NECTIN3: variants seen among roughly 807,000 people sequenced by gnomAD.
NECTIN3 encodes nectin cell adhesion molecule 3, also known as nectin-3.
In NECTIN3, 8 loss-of-function variants were observed where a neutral mutation model predicts 49.4. That is an observed-to-expected ratio of 0.16 (90% CI 0.10 to 0.29). The LOEUF (loss-of-function observed/expected upper bound fraction) is 0.29. Ranked by LOEUF, NECTIN3 falls within the 10% of genes least tolerant of loss-of-function variation. The probability of loss-of-function intolerance (pLI) is 1.00; values close to 1 mark genes in which losing one functional copy is unlikely to be tolerated. For missense variants in NECTIN3, 581 were observed against 654.6 expected (o/e 0.89, Z 1.23); for synonymous variants, 277 against 241.1 (o/e 1.15, Z -1.38).
At chr3:111,186,945 A>T (rs530722908) in intron 7 of NECTIN3, among the ~76,000 whole-genome samples, 2 of 152,324 alleles carry the variant, frequency 1.3e-5, no homozygotes, top group South Asian at 4.1e-4. Flanking sequence ...CATATATATT[A>T]GTCACCAAAC....
intron 6 of NECTIN3, among the ~76,000 whole-genome samples, chr3:111,146,312 T>C (rs1462392843): frequency 6.6e-6 from 1 of 150,622 alleles, no homozygotes; most frequent in Non-Finnish European, 1.5e-5. Flanking sequence ...CGGGCGCCTG[T>C]AGTCCCAGCT....
chr3:111,176,385 T>C (rs1193077191), intron 7 of NECTIN3, among the ~76,000 whole-genome samples: 1 of 152,228 alleles, frequency 6.6e-6, no homozygotes, highest in Admixed American at 6.5e-5. Flanking sequence ...ACTGATGCTC[T>C]CTGGCTCTCC....
intron 1 of NECTIN3, among the ~76,000 whole-genome samples, chr3:111,095,912 C>T (rs1431676986): frequency 6.6e-6 from 1 of 152,146 alleles, no homozygotes; most frequent in East Asian, 1.9e-4. Flanking sequence ...ATGTCTTTAT[C>T]AGCACCATGA....
intron 1 of NECTIN3, chr3:111,192,438 A>G (rs142912586): frequency 2.0e-6 from 3 of 1,519,560 alleles, no homozygotes; most frequent in African/African-American, 2.8e-5. Flanking sequence ...TGTCGGTATC[A>G]GCCCAGGTGG....
At chr3:111,106,835 T>G (rs1205301184) in intron 1 of NECTIN3, among the ~76,000 whole-genome samples, 1 of 152,150 alleles carries the variant, frequency 6.6e-6, no homozygotes, top group Non-Finnish European at 1.5e-5. Flanking sequence ...AATGTTTCTT[T>G]TATAGCATAT....
rs1259626508 is a variant in NECTIN3 at position 111,144,820 on chromosome 3, G to T, written c.1001-79G>T. 4 of 1,420,060 alleles carry T rather than the reference G, an allele frequency of 2.8e-6. No individual in the cohort carries two copies. In the South Asian group the frequency reaches 4.0e-5, roughly 14 times the overall value. 88.0% of individuals were successfully genotyped at this position (1,420,060 alleles called of 1,614,324 possible). ...ATAACATACTTCAGTCAAATAGTTT[G>T]CACATTGTAGAAAAGGTATGCAATT... On this transcript the variant is annotated intron_variant, in intron 5 of 8. Transcript: ENST00000493615.
chr3:111,147,627 CATTATGCATTAAAG>C, intron 7 of NECTIN3: 42 of 718,944 alleles, frequency 5.8e-5, no homozygotes, highest in Middle Eastern at 5.0e-4. Context: ...GTTGTTTAGT[CATTATGCATTAAAG>C]ATTACATAGC....
chr3:111,121,365 C>G (rs1003461259), intron 3 of NECTIN3, among the ~76,000 whole-genome samples: 1 of 152,026 alleles, frequency 6.6e-6, no homozygotes, highest in African/African-American at 2.4e-5. Flanking sequence ...AGGAGCTAAA[C>G]AGAGTGATGG....
intron 7 of NECTIN3, among the ~76,000 whole-genome samples, chr3:111,179,937 A>G (rs1220743190): frequency 1.3e-5 from 2 of 152,058 alleles, no homozygotes; most frequent in East Asian, 3.9e-4. Context: ...TTTAACTTGT[A>G]TAATATGTGA....
intron 1 of NECTIN3, among the ~76,000 whole-genome samples, chr3:111,084,476 C>G (rs1289375472): frequency 6.6e-6 from 1 of 152,108 alleles, no homozygotes; most frequent in South Asian, 2.1e-4. Context: ...CTGTGAAAGA[C>G]TAGCCGATAA....
upstream of NECTIN3, among the ~76,000 whole-genome samples, chr3:111,190,135 TATTAAAAGC>T (rs1291557475): frequency 6.6e-6 from 1 of 152,152 alleles, no homozygotes. Context: ...AACTGCAAAG[TATTAAAAGC>T]ATTAAACCCC....
intron 4 of NECTIN3, among the ~76,000 whole-genome samples, 168 bp from the exon 5 acceptor site, chr3:111,126,016 T>C (rs2034150939): frequency 6.6e-6 from 1 of 152,182 alleles, no homozygotes; most frequent in Non-Finnish European, 1.5e-5. Context: ...CATTCATCTT[T>C]ATTAAAATGA....
At chr3:111,140,500 G>A (rs1272072261), downstream of NECTIN3, among the ~76,000 whole-genome samples, 2 of 140,746 alleles carry the variant, frequency 1.4e-5, no homozygotes, top group East Asian at 2.0e-4. Flanking sequence ...TTAGTCTTAT[G>A]TGGGGTTTTT....
At chr3:111,168,156 C>G (rs1001470720) in intron 7 of NECTIN3, among the ~76,000 whole-genome samples, 4 of 152,064 alleles carry the variant, frequency 2.6e-5, no homozygotes, top group African/African-American at 7.2e-5. Context: ...CTTGGATGAA[C>G]AGCCAGATAA....
intron 2 of NECTIN3, among the ~76,000 whole-genome samples, chr3:111,112,596 A>T (rs931263853): frequency 1.3e-5 from 2 of 152,126 alleles, no homozygotes; most frequent in Non-Finnish European, 2.9e-5. Flanking sequence ...ACATAGTTTT[A>T]TCTAGTTTCT....
chr3:111,082,899 T>TCAGGCA (rs2031708371), intron 1 of NECTIN3, among the ~76,000 whole-genome samples: 1 of 152,188 alleles, frequency 6.6e-6, no homozygotes, highest in Non-Finnish European at 1.5e-5. Context: ...AGGCATTAGA[T>TCAGGCA]TCTTGTAAGG....
At chr3:111,076,158 AT>A (rs1168236018) in intron 1 of NECTIN3, among the ~76,000 whole-genome samples, 1 of 152,094 alleles carries the variant, frequency 6.6e-6, no homozygotes, top group Non-Finnish European at 1.5e-5. Context: ...CAATTTAGTA[AT>A]TTGGCAATTC....
intron 7 of NECTIN3, among the ~76,000 whole-genome samples, chr3:111,166,297 A>G (rs1021646151): frequency 1.3e-5 from 2 of 152,186 alleles, no homozygotes; most frequent in African/African-American, 4.8e-5. Context: ...GATGGGTTAT[A>G]TAATCCTCCC....
At position 111,118,676 on chromosome 3, in the gene NECTIN3, A is replaced by T. The variant is rs576258987; in HGVS notation, c.523A>T (p.Ile175Leu). 64 of 1,605,058 alleles carry T rather than the reference A, an allele frequency of 4.0e-5. 1 individual carries two copies. In the South Asian group the frequency reaches 5.4e-4, roughly 14 times the overall value. Residue 175 changes from isoleucine (I) to leucine (L), a missense_variant, in exon 3 of 6, where the codon ATA becomes TTA. Around this residue, in one of 3 missense-constraint regions of NECTIN3, gnomAD observed 234 missense variants for 340.6 expected, o/e 0.69. Transcript: ENST00000485303. ...TVLVEPTVSL[I>L]KGPDSLIDGG... ...AACAGTTGAACCCACTGTGAGCCTG[A>T]TAAAAGGGCCAGATTCTTTAATTGA...
Sources: gnomAD v4.1 joint callset for allele counts (sites outside exome capture counted in the v4.1 genomes callset) on GRCh38, gnomAD v4.1.1 for gene constraint, gnomAD v4.1.1 regional missense constraint, MANE v1.5 for transcripts, NCBI Gene and HGNC (gene_info 2026-07-23, HGNC 2026-07-21) for gene names.